Variants in NDUFS1 observed in about 807,000 individuals in gnomAD.
The protein encoded by NDUFS1 is NADH:ubiquinone oxidoreductase core subunit S1, also known as NADH-ubiquinone oxidoreductase 75 kDa subunit, mitochondrial.
NDUFS1 carries 61 observed loss-of-function variants against 84.4 expected under a neutral mutation model. That is an observed-to-expected ratio of 0.72 (90% confidence interval 0.59 to 0.89). The LOEUF is 0.89. Among genes scored for constraint, NDUFS1 ranks in the 40% least tolerant of loss-of-function variants. The pLI is 0.00. For synonymous variants in NDUFS1, 275 were observed against 290.0 expected (o/e 0.95, Z 0.53); for missense variants, 891 against 890.0 (o/e 1.00, Z -0.01).
chr2:206,155,572 C>T (rs1255780159), intron 1 of NDUFS1, among the ~76,000 whole-genome samples: 1 of 152,118 alleles, frequency 6.6e-6, no homozygotes, highest in Non-Finnish European at 1.5e-5. Context: ...CGCCCATCAA[C>T]ATGCCCGGCA....
intron 14 of NDUFS1, 66 bp downstream of exon 14, chr2:206,132,879 C>G: frequency 1.4e-6 from 2 of 1,386,452 alleles, no homozygotes; most frequent in Non-Finnish European, 2.0e-6. Context: ...AACAGTGTAT[C>G]AGGAACACAT....
chr2:206,142,179 T>C, intron 11 of NDUFS1, 110 bp from the exon 12 acceptor site: 2 of 888,572 alleles, frequency 2.3e-6, no homozygotes. Flanking sequence ...ACAAAAAATT[T>C]TATGAAGTAT....
At chr2:206,157,243 G>A (rs911137124) in intron 1 of NDUFS1, among the ~76,000 whole-genome samples, 2 of 152,090 alleles carry the variant, frequency 1.3e-5, no homozygotes, top group South Asian at 2.1e-4. Context: ...GAGTCACCGC[G>A]CCTGGCAGAC....
intron 18 of NDUFS1, among the ~76,000 whole-genome samples, chr2:206,124,898 A>G (rs931170745): frequency 3.3e-5 from 5 of 152,164 alleles, no homozygotes; most frequent in African/African-American, 1.2e-4. Flanking sequence ...TTATTGAAAA[A>G]GGTTACAAAA....
chr2:206,156,619 A>C (rs571079993), intron 1 of NDUFS1, among the ~76,000 whole-genome samples: 7 of 152,326 alleles, frequency 4.6e-5, no homozygotes, highest in African/African-American at 1.7e-4. Flanking sequence ...GAACGTATTA[A>C]AAAATTTCAA....
chr2:206,135,089 G>A (rs1691658870), intron 13 of NDUFS1, among the ~76,000 whole-genome samples: 1 of 152,080 alleles, frequency 6.6e-6, no homozygotes, highest in Admixed American at 6.5e-5. Context: ...CATGATCTCG[G>A]CTCACTGTGA....
chr2:206,118,419 A>T lies in NDUFS1; in HGVS notation c.*5766T>A, dbSNP rs958321501. 1 of 148,484 alleles carries T rather than the reference A, an allele frequency of 6.7e-6. No homozygotes were observed. Among genetic ancestry groups the T allele is most frequent in the African/African-American group, 2.5e-5 (1 of 40,026 alleles). The allele number at this position is 148,484 out of a possible 1,614,324, so 9.2% of individuals were successfully genotyped here. A position where few individuals can be genotyped will look rare whatever the true frequency, so the allele number is the denominator to read the frequency against. ...GGCAGGTGGATCACTTGAACTCAGG[A>T]GTTTAAGACCAGCCTGGGTAACATG... On this transcript the variant is annotated 3_prime_UTR_variant, in exon 19 of 19. Coordinates refer to ENST00000233190, the MANE Select transcript of NDUFS1 (RefSeq NM_005006.7).
intron 1 of NDUFS1, among the ~76,000 whole-genome samples, chr2:206,155,316 C>T (rs997801360): frequency 4.6e-5 from 7 of 151,886 alleles, no homozygotes; most frequent in Admixed American, 6.6e-5. Flanking sequence ...GGGGTTTCAT[C>T]GTGTTAGCCA....
intron 13 of NDUFS1, among the ~76,000 whole-genome samples, chr2:206,137,400 C>T (rs959073398): frequency 4.0e-5 from 6 of 151,422 alleles, no homozygotes; most frequent in African/African-American, 1.5e-4. Flanking sequence ...ACCCGGGAGG[C>T]AGAGGTTGCA....
In NDUFS1 at chr2:206,124,011, A is replaced by G; in HGVS notation, c.*174T>C. On this transcript the variant is annotated 3_prime_UTR_variant, in exon 19 of 19. Coordinates refer to ENST00000233190, the MANE Select transcript of NDUFS1 (RefSeq NM_005006.7). ...CCTTTACACACAATACATGTTTTTC[A>G]AACTGCAAAGTTGATAACTAATATC... 1 of 594,672 alleles carries G rather than the reference A, an allele frequency of 1.7e-6. No homozygotes were observed. The highest frequency in any genetic ancestry group is 3.0e-6 in the Non-Finnish European group (1 of 338,246). 36.8% of individuals were successfully genotyped at this position (594,672 alleles called of 1,614,324 possible).
intron 18 of NDUFS1, 32 bp downstream of exon 18, chr2:206,126,507 T>C (rs1691297521): frequency 6.3e-7 from 1 of 1,596,474 alleles, no homozygotes; most frequent in African/African-American, 1.3e-5. Flanking sequence ...TTACCTTTCG[T>C]ATTTGGCAGA....
At chr2:206,124,840 A>G (rs1182603573) in intron 18 of NDUFS1, among the ~76,000 whole-genome samples, 1 of 152,122 alleles carries the variant, frequency 6.6e-6, no homozygotes, top group East Asian at 1.9e-4. Flanking sequence ...CTCTTGTCTC[A>G]AAAAAATAAA....
chr2:206,135,671 T>A (rs1256786546), intron 13 of NDUFS1, among the ~76,000 whole-genome samples: 1 of 149,566 alleles, frequency 6.7e-6, no homozygotes, highest in Non-Finnish European at 1.5e-5. Context: ...CAAGACTCTG[T>A]CTCAAAAAAA....
intron 12 of NDUFS1, among the ~76,000 whole-genome samples, chr2:206,141,717 C>T (rs1359044545): frequency 6.7e-6 from 1 of 149,650 alleles, no homozygotes; most frequent in Admixed American, 6.7e-5. Context: ...ATGGTGAAAC[C>T]CCATCTCGAG....
intron 7 of NDUFS1, 78 bp downstream of exon 7, chr2:206,147,453 A>G (rs1692196696): frequency 2.8e-6 from 4 of 1,416,870 alleles, no homozygotes; most frequent in Non-Finnish European, 3.8e-6. Flanking sequence ...CATTCTTTCC[A>G]ATGTTATTAT....
chr2:206,150,047 A>G, intron 3 of NDUFS1, 122 bp from the exon 4 acceptor site: 1 of 722,552 alleles, frequency 1.4e-6, no homozygotes, highest in South Asian at 1.6e-5. Context: ...CTATCTATCT[A>G]TCTATCTTAA....
intron 15 of NDUFS1, 74 bp downstream of exon 15, chr2:206,130,014 T>C (rs1691442805): frequency 6.3e-7 from 1 of 1,575,074 alleles, no homozygotes; most frequent in Non-Finnish European, 8.7e-7. Context: ...GTTCACTAAA[T>C]ATATTACTAA....
intron 12 of NDUFS1, among the ~76,000 whole-genome samples, chr2:206,141,301 T>C (rs1691936814): frequency 1.3e-5 from 2 of 151,632 alleles, no homozygotes; most frequent in Non-Finnish European, 2.9e-5. Context: ...TCCCAGCACT[T>C]TGGGAGGCTG....
Position 206,133,026 on chromosome 2 carries a change from G to A in NDUFS1, c.1472C>T (p.Ala491Val), listed in dbSNP as rs367720111. 1 of 1,613,544 alleles carries A rather than the reference G, an allele frequency of 6.2e-7. No homozygotes were observed. The highest frequency in any genetic ancestry group is 1.1e-5 in the South Asian group (1 of 91,038). ...CTTTTGTGCAATGCTAGAAACAGCT[G>A]CAAGAATTGCTGCTCCATCATTTCT... is the stretch of plus-strand genomic sequence containing the variant. ...LQRNDGAAIL[A>V]AVSSIAQKIR... Residue 491 changes from alanine to valine, a missense_variant, in exon 14 of 19, where the codon GCA becomes GTA. Coordinates refer to ENST00000233190, the MANE Select transcript of NDUFS1 (RefSeq NM_005006.7).
Sources: gnomAD v4.1 joint callset for allele counts (sites outside exome capture counted in the v4.1 genomes callset) on GRCh38, gnomAD v4.1.1 for gene constraint, MANE v1.5 for transcripts, NCBI Gene and HGNC (gene_info 2026-07-23, HGNC 2026-07-21) for gene names.